Variants in SEZ6 observed in about 807,000 individuals in gnomAD.
SEZ6 encodes the protein seizure protein 6 homolog.
A neutral mutation model predicts 101.0 loss-of-function variants in SEZ6; 53 were observed. That is an observed-to-expected ratio of 0.52 (90% CI 0.42 to 0.66). The LOEUF (loss-of-function observed/expected upper bound fraction) is 0.66, where lower values mean the gene tolerates loss of function less well. Ranked by LOEUF, SEZ6 falls within the 30% of genes least tolerant of loss-of-function variation. The probability of loss-of-function intolerance (pLI) is 0.00; values close to 1 mark genes in which losing one functional copy is unlikely to be tolerated. For missense variants in SEZ6, 1,102 were observed against 1,289.4 expected (o/e 0.85, Z 2.23); for synonymous variants, 488 against 512.2 (o/e 0.95, Z 0.64).
rs1445629901 is a variant in SEZ6 at position 29,005,437 on chromosome 17, G to GACTC, written c.55+374_55+377dup. Among the ~76,000 whole-genome samples the GACTC allele has an allele frequency of 6.6e-6, 1 of 152,114 alleles. No individual in the cohort carries two copies. The highest frequency in any genetic ancestry group is 1.5e-5 in the Non-Finnish European group (1 of 68,018). ...CACGGGCCGCCAGCTGGACCGTCCC[G>GACTC]ACTCACTGCCTTGCGCCCCCCGGCA... On this transcript the variant is annotated intron_variant, in intron 1 of 16. Transcript: ENST00000317338. The surrounding 1 kb of genome is among the most constrained non-coding windows in gnomAD (Gnocchi z 4.8).
intron 3 of SEZ6, among the ~76,000 whole-genome samples, chr17:28,970,304 A>AT (rs2041133694): frequency 6.6e-6 from 1 of 152,048 alleles, no homozygotes; most frequent in Non-Finnish European, 1.5e-5. Context: ...TAAAGTAGGG[A>AT]TGGGGTAGGT....
intron 7 of SEZ6, 160 bp downstream of exon 7, chr17:28,960,345 G>C (rs749198069): frequency 1.1e-6 from 1 of 937,466 alleles, no homozygotes; most frequent in African/African-American, 1.6e-5. Flanking sequence ...GACCCAAAGA[G>C]AGGGGCAGGG....
chr17:29,003,228 G>A (rs1372862434), intron 1 of SEZ6, among the ~76,000 whole-genome samples: 1 of 152,166 alleles, frequency 6.6e-6, no homozygotes, highest in Non-Finnish European at 1.5e-5. Context: ...CTTCAACACC[G>A]CTTTTTCCTC....
chr17:28,972,439 G>A (rs928029601), intron 3 of SEZ6, among the ~76,000 whole-genome samples: 4 of 152,228 alleles, frequency 2.6e-5, no homozygotes, highest in African/African-American at 7.2e-5. Flanking sequence ...GAAGAGATGT[G>A]CCCTGGGGAC....
At chr17:28,992,965 C>T (rs1351112703) in intron 1 of SEZ6, among the ~76,000 whole-genome samples, 2 of 152,126 alleles carry the variant, frequency 1.3e-5, no homozygotes, top group Non-Finnish European at 2.9e-5. Context: ...CCTGGGGACC[C>T]CAGCCCTGCC....
chr17:28,972,933 A>T (rs754204170), intron 3 of SEZ6, among the ~76,000 whole-genome samples: 1 of 152,220 alleles, frequency 6.6e-6, no homozygotes, highest in Non-Finnish European at 1.5e-5. Flanking sequence ...ACTACAGGGA[A>T]ATTACCACGA....
In SEZ6 at chr17:28,959,247, A is replaced by G. The variant is rs1405296741; in HGVS notation, c.1911-26T>C. ...CTGTGAAGGAGGAGCGTCAGGGCAG[A>G]GCCGGCCTGGGGGCCCGAGGATGGG... On this transcript the variant is annotated intron_variant, in intron 9 of 16. Coordinates refer to ENST00000317338, the MANE Select transcript of SEZ6 (RefSeq NM_178860.5). This position sits in a 1 kb window ranked among gnomAD's most constrained non-coding sequence, Gnocchi z 4.4. 6.2e-7 allele frequency: 1 copy of G among 1,612,560 alleles called. No individual in the cohort carries two copies. Among genetic ancestry groups the G allele is most frequent in the Admixed American group, 1.7e-5 (1 of 59,848 alleles).
Position 28,969,862 on chromosome 17 carries a change from G to A in SEZ6, c.949C>T (p.Leu317=), listed in dbSNP as rs1333566982. 7.2e-6 allele frequency: 11 copies of A among 1,537,566 alleles called. No homozygotes were observed. The highest frequency in any genetic ancestry group is 9.5e-6 in the Non-Finnish European group (11 of 1,151,990). ...DPLPLANQSF[L]LRGQVIRSPT... The stretch of plus-strand genomic sequence containing the variant: ...CTGCGGATGACTTGGCCCCGCAGCA[G>A]GAAAGACTGGTTGGCCAGGGGCAGT... Residue 317 remains leucine, a synonymous_variant, in exon 4 of 17, where the codon CTG becomes TTG. Transcript: ENST00000317338.
At chr17:28,992,909 C>G (rs927778368) in intron 1 of SEZ6, among the ~76,000 whole-genome samples, 4 of 152,150 alleles carry the variant, frequency 2.6e-5, no homozygotes, top group Non-Finnish European at 5.9e-5. Flanking sequence ...GCACTCTACA[C>G]CGTCCCCTGC....
chr17:28,960,770 C>T (rs2040965460), intron 6 of SEZ6, 35 bp downstream of exon 6: 1 of 1,612,674 alleles, frequency 6.2e-7, no homozygotes, highest in Admixed American at 1.7e-5. Context: ...TATTACCAGG[C>T]CAGGCACTCC....
At chr17:28,963,271 T>C (rs2041014757) in intron 5 of SEZ6, among the ~76,000 whole-genome samples, 1 of 152,186 alleles carries the variant, frequency 6.6e-6, no homozygotes, top group South Asian at 2.1e-4. Flanking sequence ...CTTTCCCTTT[T>C]CCCAGTTCCC....
chr17:28,989,865 C>A (rs1189190122), intron 1 of SEZ6, among the ~76,000 whole-genome samples: 1 of 152,130 alleles, frequency 6.6e-6, no homozygotes, highest in Admixed American at 6.6e-5. Context: ...GTCAGGAGTT[C>A]GAGACCAGCC....
chr17:28,955,963 C>T lies in SEZ6; in HGVS notation c.2984G>A (p.Ter995=), dbSNP rs774243132. The T allele has an allele frequency of 1.2e-6, 2 of 1,612,360 alleles. No homozygotes were observed. The highest frequency in any genetic ancestry group is 3.3e-5 in the Admixed American group (2 of 59,836). ...SLSFAGDERI[*] Reference sequence around the variant, plus strand: ...ACTGCCCCCACCTAGATGGAGACTTCATATTCTCTCGTCTCCTGCAAAGGA... The same window carrying T: ...ACTGCCCCCACCTAGATGGAGACTTTATATTCTCTCGTCTCCTGCAAAGGA... The change falls in exon 17 of 17, where the codon TGA becomes TAA. Residue 995 remains the stop codon, a stop_retained_variant. Transcript: ENST00000317338.
intron 1 of SEZ6, among the ~76,000 whole-genome samples, chr17:28,997,039 G>A (rs889236363): frequency 6.6e-6 from 1 of 152,068 alleles, no homozygotes; most frequent in African/African-American, 2.4e-5. Context: ...GTCGGCTCAG[G>A]AGCATCACTC....
chr17:28,969,843 A>G lies in SEZ6; in HGVS notation c.968T>C (p.Ile323Thr), dbSNP rs1291177993. ...GGCCGCTTGGTGGGTGGGGCTGCGG[A>G]TGACTTGGCCCCGCAGCAGGAAAGA... is the stretch of plus-strand genomic sequence containing the variant. ...NQSFLLRGQV[I>T]RSPTHQAALR... The change falls in exon 4 of 17, where the codon ATC becomes ACC. Residue 323 changes from isoleucine (I) to threonine (T), a missense_variant. Physicochemically the swap from Ile to Thr is moderately conservative, Grantham distance 89. Around this residue, in one of 3 missense-constraint regions of SEZ6, gnomAD observed 406 missense variants for 418.6 expected, o/e 0.97. Coordinates refer to ENST00000317338, the MANE Select transcript of SEZ6 (RefSeq NM_178860.5). The G allele has an allele frequency of 6.5e-7, 1 of 1,532,204 alleles. No homozygotes were observed. Among genetic ancestry groups the G allele is most frequent in the Non-Finnish European group, 8.7e-7 (1 of 1,150,172 alleles). The allele number at this position is 1,532,204 out of a possible 1,614,324, so 94.9% of individuals were successfully genotyped here.
chr17:28,964,680 G>A (rs2041035644), intron 4 of SEZ6, among the ~76,000 whole-genome samples: 1 of 152,240 alleles, frequency 6.6e-6, no homozygotes, highest in Non-Finnish European at 1.5e-5. Context: ...GCAGCAAAGA[G>A]TGAAATCAGA....
intron 1 of SEZ6, among the ~76,000 whole-genome samples, chr17:28,985,812 C>T (rs1324579871): frequency 2.0e-5 from 3 of 152,230 alleles, no homozygotes; most frequent in Admixed American, 6.5e-5. Context: ...ATGCAAAGGG[C>T]GACCACCTTC....
chr17:28,963,138 A>G (rs940616809), intron 5 of SEZ6, among the ~76,000 whole-genome samples: 2 of 152,060 alleles, frequency 1.3e-5, no homozygotes, highest in African/African-American at 4.8e-5. Context: ...AAAAAAAAAA[A>G]AAAAAAGCCC....
At chr17:28,967,924 A>T (rs2041095316) in intron 4 of SEZ6, among the ~76,000 whole-genome samples, 1 of 152,088 alleles carries the variant, frequency 6.6e-6, no homozygotes, top group African/African-American at 2.4e-5. Context: ...TTCTCACTGG[A>T]GTCTGTTTCT....
Sources: allele counts gnomAD v4.1 joint callset (sites outside exome capture counted in the v4.1 genomes callset), GRCh38; gene constraint gnomAD v4.1.1; regional missense constraint gnomAD v4.1.1; non-coding constraint Gnocchi (gnomAD v3.1); transcripts MANE v1.5; gene names NCBI Gene and HGNC (gene_info 2026-07-23, HGNC 2026-07-21).